PCDH11X: variants seen among roughly 807,000 people sequenced by gnomAD.
The protein encoded by PCDH11X is protocadherin-11 X-linked.
A neutral mutation model predicts 53.3 loss-of-function variants in PCDH11X; 18 were observed. The observed-to-expected ratio is 0.34, with a 90% CI of 0.23 to 0.50. PCDH11X has a LOEUF of 0.50. PCDH11X is among the 20% of genes least tolerant of loss of function. The pLI, the probability that PCDH11X is intolerant of heterozygous loss-of-function variation, is 0.98. For synonymous variants in PCDH11X, 279 were observed against 393.3 expected, an observed-to-expected ratio of 0.71 and a Z score of 3.44; for missense variants, 570 against 1,032.4, an observed-to-expected ratio of 0.55 and a Z score of 6.14.
At chrX:92,367,293 T>A (rs1233385238) in intron 8 of PCDH11X, among the ~76,000 whole-genome samples, 1 of 111,787 alleles carries the variant, frequency 8.9e-6, no homozygotes, top group Non-Finnish European at 1.9e-5. Flanking sequence ...AAAGTCTGTT[T>A]TATCAGAGTC....
chrX:92,093,699 A>G (rs1351719499), intron 6 of PCDH11X, among the ~76,000 whole-genome samples: 1 of 111,403 alleles, frequency 9.0e-6, no homozygotes, highest in Non-Finnish European at 1.9e-5. Flanking sequence ...TATCTGTATG[A>G]AAAGCAGTAG....
At chrX:92,575,348 G>A (rs1213541866) in intron 10 of PCDH11X, among the ~76,000 whole-genome samples, 3 of 109,308 alleles carry the variant, frequency 2.7e-5, no homozygotes, top group African/African-American at 9.9e-5. Context: ...TTCAGGATTT[G>A]TTTTTAATTT....
At chrX:92,616,925 T>A (rs962394885) in intron 10 of PCDH11X, among the ~76,000 whole-genome samples, 6 of 111,796 alleles carry the variant, frequency 5.4e-5, no homozygotes, top group Non-Finnish European at 7.5e-5. Flanking sequence ...TCTTTTTTTT[T>A]AAATTTTAAG....
chrX:92,352,952 T>C (rs6618981), intron 8 of PCDH11X, among the ~76,000 whole-genome samples: 27,457 of 108,871 alleles, frequency 0.25, 3,273 homozygotes, highest in East Asian at 0.79. Flanking sequence ...AAGTAGTTCT[T>C]GGAACAAAAG....
chrX:92,195,562 T>C (rs1423200306), intron 6 of PCDH11X, among the ~76,000 whole-genome samples: 2 of 111,751 alleles, frequency 1.8e-5, no homozygotes, highest in Non-Finnish European at 3.8e-5. Flanking sequence ...CTGAAAAATA[T>C]TGGACATGCC....
At chrX:92,290,905 CT>C (rs770461581) in intron 8 of PCDH11X, among the ~76,000 whole-genome samples, 4,991 of 97,447 alleles carry the variant, frequency 0.051, 292 homozygotes, top group East Asian at 0.36. Context: ...TTTCTTTTGT[CT>C]TTTTTTTTTT....
At chrX:92,013,332 G>A (rs1482153620) in intron 6 of PCDH11X, among the ~76,000 whole-genome samples, 1 of 111,623 alleles carries the variant, frequency 9.0e-6, no homozygotes, top group African/African-American at 3.3e-5. Flanking sequence ...CAAGGGATGT[G>A]AAGGACCTCT....
At chrX:92,603,489 A>T in intron 10 of PCDH11X, among the ~76,000 whole-genome samples, 1 of 105,793 alleles carries the variant, frequency 9.5e-6, no homozygotes, top group Non-Finnish European at 2.0e-5. Context: ...ATGAAGTCTG[A>T]TAAACACAGA....
At chrX:91,936,951 T>C (rs1168909881) in intron 6 of PCDH11X, among the ~76,000 whole-genome samples, 1 of 109,014 alleles carries the variant, frequency 9.2e-6, no homozygotes, top group African/African-American at 3.3e-5. Context: ...ATTTAAATAG[T>C]TTAATTCAAA....
intron 10 of PCDH11X, among the ~76,000 whole-genome samples, chrX:92,589,559 C>A (rs1365766675): frequency 1.8e-5 from 2 of 111,462 alleles, no homozygotes; most frequent in Non-Finnish European, 3.8e-5. Flanking sequence ...TCGCAAGCCT[C>A]ATGGTAATCT....
At position 91,791,586 on chromosome X, in the gene PCDH11X, A is replaced by G. The variant is rs750663586; in HGVS notation, c.-379+11902A>G. Among the ~76,000 whole-genome samples, 288 of 109,814 alleles carry G rather than the reference A, an allele frequency of 2.6e-3. 5 individuals are homozygous for G. The highest frequency in any genetic ancestry group is 8.3e-3 in the African/African-American group (248 of 29,975). Reference sequence around the variant, plus strand: ...TTAAAACTGGACATGAGATTTGGGTAGGGACCCGAATCCAAACCATACCAT... The same window carrying G: ...TTAAAACTGGACATGAGATTTGGGTGGGGACCCGAATCCAAACCATACCAT... On this transcript the variant is annotated intron_variant, in intron 1 of 10. Coordinates refer to ENST00000682573, the MANE Select transcript of PCDH11X (RefSeq NM_032968.5).
At chrX:92,147,965 C>T (rs2065320170) in intron 6 of PCDH11X, among the ~76,000 whole-genome samples, 1 of 75,493 alleles carries the variant, frequency 1.3e-5, no homozygotes, top group African/African-American at 6.9e-5. Flanking sequence ...CCTTCTTTCC[C>T]TTCCTTCCTT....
At chrX:92,112,902 G>T (rs34183592) in intron 6 of PCDH11X, among the ~76,000 whole-genome samples, 1 of 109,067 alleles carries the variant, frequency 9.2e-6, no homozygotes, top group Non-Finnish European at 1.9e-5. Flanking sequence ...AGAGATTAAC[G>T]CCAGTGCTAG....
intron 6 of PCDH11X, among the ~76,000 whole-genome samples, chrX:92,051,579 G>C (rs2063367466): frequency 9.0e-6 from 1 of 111,370 alleles, no homozygotes; most frequent in Non-Finnish European, 1.9e-5. Context: ...ACAATATAGT[G>C]AAAAATATAC....
At chrX:92,470,703 T>G (rs147220204) in intron 10 of PCDH11X, among the ~76,000 whole-genome samples, 1,174 of 111,756 alleles carry the variant, frequency 0.011, 16 homozygotes, top group African/African-American at 0.037. Flanking sequence ...TCAATTGAAA[T>G]AATCATATGA....
intron 6 of PCDH11X, among the ~76,000 whole-genome samples, chrX:91,951,831 C>T (rs769229526): frequency 9.0e-6 from 1 of 111,531 alleles, no homozygotes; most frequent in Admixed American, 9.6e-5. Flanking sequence ...GATAAAGAAT[C>T]ACCCGTTAGC....
At chrX:92,033,095 C>T (rs2063076499) in intron 6 of PCDH11X, among the ~76,000 whole-genome samples, 1 of 109,372 alleles carries the variant, frequency 9.1e-6, no homozygotes, top group African/African-American at 3.3e-5. Context: ...GCATAAGTCA[C>T]TGGGCCCAGC....
intron 1 of PCDH11X, among the ~76,000 whole-genome samples, chrX:91,782,063 T>A (rs1305162539): frequency 9.2e-6 from 1 of 109,280 alleles, no homozygotes; most frequent in Admixed American, 9.5e-5. Flanking sequence ...GCCCGGCCGA[T>A]GGGAAGCCGA....
intron 5 of PCDH11X, among the ~76,000 whole-genome samples, chrX:91,868,238 C>T (rs1008133449): frequency 3.6e-5 from 4 of 111,968 alleles, no homozygotes; most frequent in Non-Finnish European, 7.5e-5. Context: ...GCAAAAGATA[C>T]GAACTATTCT....
Sources: allele counts gnomAD v4.1 joint callset (sites outside exome capture counted in the v4.1 genomes callset), GRCh38; gene constraint gnomAD v4.1.1; transcripts MANE v1.5; gene names NCBI Gene and HGNC (gene_info 2026-07-23, HGNC 2026-07-21).